The following ZBTB7C variants were observed in gnomAD, a reference collection of about 807,000 sequenced individuals.
ZBTB7C encodes zinc finger and BTB domain containing 7C, also known as zinc finger and BTB domain-containing protein 7C.
Under a neutral mutation model 25.7 loss-of-function variants are expected in ZBTB7C, and 8 were observed. That is an observed-to-expected ratio of 0.31 (90% CI 0.18 to 0.56). ZBTB7C has a LOEUF of 0.56. Among genes scored for constraint, ZBTB7C ranks in the 20% least tolerant of loss-of-function variants. The probability of loss-of-function intolerance (pLI) is 0.91; values close to 1 mark genes in which losing one functional copy is unlikely to be tolerated. For missense variants in ZBTB7C, 824 were observed against 855.2 expected (o/e 0.96, Z 0.46); for synonymous variants, 394 against 369.0 (o/e 1.07, Z -0.78).
intron 2 of ZBTB7C, among the ~76,000 whole-genome samples, chr18:48,314,902 G>A (rs898627634): frequency 6.6e-6 from 1 of 152,178 alleles, no homozygotes; most frequent in African/African-American, 2.4e-5. Flanking sequence ...TTTGCAGCCA[G>A]CAGGGGAGTC....
At chr18:48,302,406 A>AG (rs2045566919) in intron 2 of ZBTB7C, among the ~76,000 whole-genome samples, 1 of 152,174 alleles carries the variant, frequency 6.6e-6, no homozygotes, top group Non-Finnish European at 1.5e-5. Context: ...ATTCCTGCAC[A>AG]GATTTACACA....
intron 3 of ZBTB7C, chr18:48,137,054 C>T: frequency 1.3e-5 from 13 of 985,316 alleles, no homozygotes; most frequent in Non-Finnish European, 1.6e-5. Flanking sequence ...GTGTCCTGAG[C>T]GCCGCCAGGG....
chr18:48,108,011 CCTAA>C (rs768777523), intron 3 of ZBTB7C, among the ~76,000 whole-genome samples: 3 of 152,160 alleles, frequency 2.0e-5, no homozygotes, highest in Non-Finnish European at 1.5e-5. Flanking sequence ...AAATCTTTCC[CCTAA>C]CTATCTGTCA....
chr18:48,126,404 C>A (rs748106796), intron 3 of ZBTB7C, among the ~76,000 whole-genome samples: 9 of 152,186 alleles, frequency 5.9e-5, no homozygotes, highest in Non-Finnish European at 1.3e-4. Flanking sequence ...GAGAGCGGCG[C>A]TCTGAGGACA....
intron 3 of ZBTB7C, chr18:48,185,218 C>T (rs1181579734): frequency 2.9e-6 from 1 of 350,558 alleles, no homozygotes; most frequent in East Asian, 8.8e-5. Flanking sequence ...CCTCCCTCCT[C>T]CATCAGTCCA....
At chr18:48,035,501 T>C (rs2035933789) in intron 4 of ZBTB7C, among the ~76,000 whole-genome samples, 1 of 152,208 alleles carries the variant, frequency 6.6e-6, no homozygotes, top group Non-Finnish European at 1.5e-5. Context: ...CAAGTCTCTA[T>C]GGCCTGCAAT....
chr18:48,296,663 C>T (rs28496070), intron 2 of ZBTB7C, among the ~76,000 whole-genome samples: 6,213 of 152,270 alleles, frequency 0.041, 262 homozygotes, highest in African/African-American at 0.11. Flanking sequence ...TCCTATGACA[C>T]ACATGTCCTA....
Position 48,217,488 on chromosome 18 carries a change from TC to T in ZBTB7C, c.-78-31494del, listed in dbSNP as rs1040186472. The stretch of plus-strand genomic sequence containing the variant: ...CACCTGACCACTGAGGGCCTTTGAG[TC>T]CCCCTCCTTCTCCTCTCCTTCCTCT... On this transcript the variant is annotated intron_variant, in intron 2 of 4. Transcript: ENST00000590800. 4.0e-4 allele frequency among the ~76,000 whole-genome samples: 60 copies of T among 151,746 alleles called. 1 individual carries two copies. The highest frequency in any genetic ancestry group is 8.2e-4 in the Non-Finnish European group (56 of 67,916).
intron 3 of ZBTB7C, among the ~76,000 whole-genome samples, chr18:48,085,177 G>A (rs897460605): frequency 3.3e-5 from 5 of 152,102 alleles, no homozygotes; most frequent in Non-Finnish European, 5.9e-5. Flanking sequence ...GTAAAAAGGC[G>A]AAGAAGACAC....
intron 1 of ZBTB7C, among the ~76,000 whole-genome samples, chr18:48,349,181 A>G (rs1023213705): frequency 6.6e-6 from 1 of 152,238 alleles, no homozygotes; most frequent in Non-Finnish European, 1.5e-5. Flanking sequence ...AGGTCACAGC[A>G]TCCTGGCCAT....
intron 3 of ZBTB7C, among the ~76,000 whole-genome samples, chr18:48,157,206 A>C (rs566253143): frequency 3.3e-5 from 5 of 152,364 alleles, no homozygotes; most frequent in African/African-American, 1.2e-4. Flanking sequence ...TAAAAGCATT[A>C]ACAGCAAGAA....
At chr18:48,137,436 G>T in intron 3 of ZBTB7C, 1 of 484,984 alleles carries the variant, frequency 2.1e-6, no homozygotes, top group Non-Finnish European at 2.7e-6. Flanking sequence ...TCCTTCTCTA[G>T]TACTTCACAA....
At chr18:48,408,988 C>T (rs892229382) in intron 1 of ZBTB7C, among the ~76,000 whole-genome samples, 1 of 151,064 alleles carries the variant, frequency 6.6e-6, no homozygotes, top group African/African-American at 2.4e-5. Flanking sequence ...TGAATAGCCA[C>T]CGCAGCCCCC....
chr18:48,360,273 G>GCGTAAC (rs2145094495), intron 1 of ZBTB7C, among the ~76,000 whole-genome samples: 1 of 152,334 alleles, frequency 6.6e-6, no homozygotes, highest in East Asian at 1.9e-4. Flanking sequence ...AAGAGAAAAT[G>GCGTAAC]CGTAACCGAA....
chr18:48,233,951 ATCAG>A (rs558043180), intron 2 of ZBTB7C, among the ~76,000 whole-genome samples: 121 of 152,268 alleles, frequency 7.9e-4, no homozygotes, highest in African/African-American at 2.8e-3. Context: ...TTCCATCCAC[ATCAG>A]TCAGTCATTA....
intron 2 of ZBTB7C, among the ~76,000 whole-genome samples, chr18:48,226,642 T>C (rs974573345): frequency 2.0e-5 from 3 of 152,148 alleles, no homozygotes; most frequent in Admixed American, 6.5e-5. Flanking sequence ...GTGTCACCCA[T>C]GGTGGGGAGC....
At chr18:48,311,261 C>T (rs969487829) in intron 2 of ZBTB7C, among the ~76,000 whole-genome samples, 3 of 152,212 alleles carry the variant, frequency 2.0e-5, no homozygotes, top group East Asian at 1.9e-4. Flanking sequence ...GGGCACATGA[C>T]TTGTCTTGCT....
intron 2 of ZBTB7C, among the ~76,000 whole-genome samples, chr18:48,238,132 A>C (rs2043428289): frequency 6.6e-6 from 1 of 152,202 alleles, no homozygotes; most frequent in East Asian, 1.9e-4. Context: ...TTATCTCTGA[A>C]GGGGGAGTTT....
At chr18:48,135,143 A>G (rs2040108290) in intron 3 of ZBTB7C, among the ~76,000 whole-genome samples, 1 of 152,020 alleles carries the variant, frequency 6.6e-6, no homozygotes, top group Admixed American at 6.5e-5. Flanking sequence ...TATTACTATT[A>G]CTATTCCCAT....
Sources: allele counts gnomAD v4.1 joint callset (sites outside exome capture counted in the v4.1 genomes callset), GRCh38; gene constraint gnomAD v4.1.1; transcripts MANE v1.5; gene names NCBI Gene and HGNC (gene_info 2026-07-23, HGNC 2026-07-21).